Variants in AMPH observed in about 807,000 individuals in gnomAD.
The protein encoded by AMPH is amphiphysin (Stiff-Mann syndrome with breast cancer 128kD autoantigen).
In AMPH, 49 loss-of-function variants were observed where a neutral mutation model predicts 99.1. That is an observed-to-expected ratio of 0.49 (90% CI 0.39 to 0.63). AMPH has a LOEUF of 0.63. Ranked by LOEUF, AMPH falls within the 20% of genes least tolerant of loss-of-function variation. AMPH has a pLI of 0.00. For synonymous variants in AMPH, 314 were observed against 317.3 expected, an observed-to-expected ratio of 0.99 and a Z score of 0.11; for missense variants, 759 against 863.4, an observed-to-expected ratio of 0.88 and a Z score of 1.52.
chr7:38,390,969 GAGAGAGAGAGAGAGAGAGAGAGAGAGAGA>G (rs1784471886), intron 19 of AMPH, among the ~76,000 whole-genome samples: 1 of 7,750 alleles, frequency 1.3e-4, no homozygotes, highest in African/African-American at 3.2e-4. Context: ...GACAGAGAGA[GAGAGAGAGAGAGAGAGAGAGAGAGAGAGA>G]GAGAGAGAGA....
intron 1 of AMPH, among the ~76,000 whole-genome samples, chr7:38,624,961 G>T (rs1794194077): frequency 6.6e-6 from 1 of 152,042 alleles, no homozygotes; most frequent in African/African-American, 2.4e-5. Flanking sequence ...AAAAAAAAGT[G>T]TGCCTATACA....
At chr7:38,462,934 A>G (rs775757163) in intron 10 of AMPH, 41 bp downstream of exon 10, 4 of 1,512,994 alleles carry the variant, frequency 2.6e-6, no homozygotes, top group African/African-American at 1.4e-5. Context: ...CCTTCATCTC[A>G]TCATGAGCTC....
chr7:38,522,220 C>T (rs1452911543), intron 2 of AMPH, among the ~76,000 whole-genome samples: 1 of 152,160 alleles, frequency 6.6e-6, no homozygotes, highest in Non-Finnish European at 1.5e-5. Context: ...AAGCAAACTG[C>T]TCGCTAAGTT....
At chr7:38,558,654 T>C (rs960381728) in intron 1 of AMPH, among the ~76,000 whole-genome samples, 5 of 152,204 alleles carry the variant, frequency 3.3e-5, no homozygotes, top group Non-Finnish European at 5.9e-5. Flanking sequence ...ATGGAATGTT[T>C]GTTGGTTAAG....
intron 1 of AMPH, among the ~76,000 whole-genome samples, chr7:38,602,472 T>G (rs1380386376): frequency 6.6e-6 from 1 of 152,192 alleles, no homozygotes; most frequent in Non-Finnish European, 1.5e-5. Flanking sequence ...CTTTTCTAGT[T>G]TCTGAAGGCT....
rs537964217 is a variant in AMPH at position 38,548,129 on chromosome 7, C to T, written c.70-13118G>A. 7.2e-3 allele frequency among the ~76,000 whole-genome samples: 1,091 copies of T among 151,552 alleles called. 12 individuals are homozygous for T. Among genetic ancestry groups the T allele is most frequent in the African/African-American group, 0.023 (931 of 41,286 alleles). On this transcript the variant is annotated intron_variant, in intron 1 of 20. Coordinates refer to ENST00000356264, the MANE Select transcript of AMPH (RefSeq NM_001635.4). ...CGGCAAGCTCCACCTCCTGGGTTCACGCCATTCTCCTGCCTCAGCCTCCCG... is the reference window on the plus strand; with the variant it reads ...CGGCAAGCTCCACCTCCTGGGTTCATGCCATTCTCCTGCCTCAGCCTCCCG...
intron 5 of AMPH, 88 bp from the exon 6 acceptor site, chr7:38,477,057 C>A: frequency 9.0e-7 from 1 of 1,111,028 alleles, no homozygotes; most frequent in Non-Finnish European, 1.4e-6. Context: ...CTTTCCTTGG[C>A]CAGAGCTGCT....
chr7:38,390,046 A>G (rs1339153536), intron 19 of AMPH, 141 bp from the exon 20 acceptor site: 1 of 651,632 alleles, frequency 1.5e-6, no homozygotes, highest in African/African-American at 1.8e-5. Context: ...TAAAGCCAGA[A>G]GGGAAGTCCT....
At chr7:38,458,646 A>G (rs1277655157) in intron 11 of AMPH, among the ~76,000 whole-genome samples, 1 of 152,234 alleles carries the variant, frequency 6.6e-6, no homozygotes, top group Non-Finnish European at 1.5e-5. Flanking sequence ...AAAGCATTTG[A>G]TAAAATTCAA....
intron 18 of AMPH, 38 bp downstream of exon 18, chr7:38,393,967 T>A (rs1784590993): frequency 6.2e-7 from 1 of 1,605,058 alleles, no homozygotes. Flanking sequence ...CCATGCTACT[T>A]CCCAGGAGCT....
chr7:38,429,702 A>G, intron 14 of AMPH, 140 bp downstream of exon 14: 1 of 1,274,098 alleles, frequency 7.8e-7, no homozygotes, highest in South Asian at 1.4e-5. Flanking sequence ...CAAACTGGAA[A>G]GTGATTACAT....
In AMPH at chr7:38,384,406, C is replaced by T. The variant is rs182764088; in HGVS notation, c.*412G>A. ...CTGAAAGGGAGCGAGAGCACGTGCT[C>T]ACACCTGGGCAGGGGAATAAGATAA... On this transcript the variant is annotated 3_prime_UTR_variant, in exon 21 of 21. Transcript: ENST00000356264. The T allele has an allele frequency of 1.8e-3, 288 of 163,424 alleles. 3 individuals are homozygous for T. The highest frequency in any genetic ancestry group is 3.0e-3 in the Non-Finnish European group (219 of 73,480). 10.1% of individuals were successfully genotyped at this position (163,424 alleles called of 1,614,324 possible).
chr7:38,393,088 C>T (rs1260552039), intron 18 of AMPH, among the ~76,000 whole-genome samples: 3 of 152,096 alleles, frequency 2.0e-5, no homozygotes, highest in Middle Eastern at 3.2e-3. Context: ...GAGATAATAC[C>T]GTCTTTCCAT....
chr7:38,407,247 GTATCTAAC>G (rs1165486257), intron 17 of AMPH, among the ~76,000 whole-genome samples: 1 of 144,412 alleles, frequency 6.9e-6, no homozygotes, highest in African/African-American at 2.6e-5. Flanking sequence ...AGATATATCT[GTATCTAAC>G]TATCTATCTA....
intron 2 of AMPH, among the ~76,000 whole-genome samples, chr7:38,514,434 C>A (rs978168982): frequency 3.3e-5 from 5 of 152,176 alleles, no homozygotes; most frequent in African/African-American, 1.2e-4. Context: ...TTAAAGAACT[C>A]CTGCAGAAAT....
At chr7:38,591,844 C>T (rs1239649477) in intron 1 of AMPH, among the ~76,000 whole-genome samples, 1 of 152,224 alleles carries the variant, frequency 6.6e-6, no homozygotes, top group Non-Finnish European at 1.5e-5. Flanking sequence ...TCACATTTCT[C>T]TGATGTCTTT....
chr7:38,460,162 T>G (rs1787385616), intron 11 of AMPH, among the ~76,000 whole-genome samples: 1 of 152,110 alleles, frequency 6.6e-6, no homozygotes, highest in African/African-American at 2.4e-5. Flanking sequence ...CCAGTTAGAA[T>G]GGCTATTATT....
intron 11 of AMPH, among the ~76,000 whole-genome samples, chr7:38,440,372 C>T (rs4299911): frequency 0.51 from 78,019 of 151,972 alleles, 20,290 homozygotes; most frequent in Admixed American, 0.57. Context: ...CAAACAAAAT[C>T]AGAAAGAATA....
intron 3 of AMPH, among the ~76,000 whole-genome samples, chr7:38,499,121 C>T (rs1476547108): frequency 6.6e-6 from 1 of 152,206 alleles, no homozygotes; most frequent in African/African-American, 2.4e-5. Flanking sequence ...AATCTGTCCT[C>T]TGTTATGATG....
Sources: gnomAD v4.1 joint callset for allele counts (sites outside exome capture counted in the v4.1 genomes callset) on GRCh38, gnomAD v4.1.1 for gene constraint, MANE v1.5 for transcripts, NCBI Gene and HGNC (gene_info 2026-07-23, HGNC 2026-07-21) for gene names.